TRDMT1: variants seen among roughly 807,000 people sequenced by gnomAD.
The protein encoded by TRDMT1 is tRNA aspartic acid methyltransferase 1.
A neutral mutation model predicts 51.2 loss-of-function variants in TRDMT1; 49 were observed. The observed-to-expected ratio is 0.96, with a 90% CI of 0.76 to 1.21. The LOEUF is 1.21. Among genes scored for constraint, TRDMT1 ranks in the 50% most tolerant of loss-of-function variants. TRDMT1 has a pLI of 0.00. For missense variants in TRDMT1, 534 were observed against 462.3 expected (o/e 1.16, Z -1.42); for synonymous variants, 187 against 164.6 (o/e 1.14, Z -1.04).
rs1491026730 is a variant in TRDMT1, at chr10:17,141,513, AAT to A, written c.*7525_*7526del. Among the ~76,000 whole-genome samples the A allele has an allele frequency of 1.1e-5, 1 of 90,054 alleles. No homozygotes were observed. The highest frequency in any genetic ancestry group is 3.2e-5 in the Non-Finnish European group (1 of 31,392). 59.1% of individuals were successfully genotyped at this position (90,054 alleles called of 152,430 possible). On this transcript the variant is annotated 3_prime_UTR_variant, in exon 11 of 11. Coordinates refer to ENST00000377799, the MANE Select transcript of TRDMT1 (RefSeq NM_004412.7). ...TTGGGATGTTTCCAGCCATTATTTA[AAT>A]GCTCTTTCAGCTCCATTTTTTTCCC...
At chr10:17,200,826 A>T (rs993446117) in intron 1 of TRDMT1, among the ~76,000 whole-genome samples, 1 of 152,200 alleles carries the variant, frequency 6.6e-6, no homozygotes, top group Non-Finnish European at 1.5e-5. Flanking sequence ...AGTAATAGTG[A>T]TAATAATGTA....
chr10:17,173,231 A>G (rs1391549671), intron 2 of TRDMT1, among the ~76,000 whole-genome samples: 1 of 152,188 alleles, frequency 6.6e-6, no homozygotes, highest in Non-Finnish European at 1.5e-5. Flanking sequence ...AGATTTGTAC[A>G]TATATGTTCA....
In TRDMT1 at chr10:17,145,176, G is replaced by C. The variant is rs1837992469; in HGVS notation, c.*3864C>G. On this transcript the variant is annotated 3_prime_UTR_variant, in exon 11 of 11. Coordinates refer to ENST00000377799, the MANE Select transcript of TRDMT1 (RefSeq NM_004412.7). ...GCAGGAAAATCACTTTAACCCAGGA[G>C]GGGGAGATTGCAGTGAGCCGAGATC... The C allele has an allele frequency of 1.4e-6, 1 of 702,920 alleles. No individual in the cohort carries two copies. The highest frequency in any genetic ancestry group is 1.7e-6 in the Non-Finnish European group (1 of 572,098). 43.5% of individuals were successfully genotyped at this position (702,920 alleles called of 1,614,324 possible). A position where few individuals can be genotyped will look rare whatever the true frequency, so the allele number is the denominator to read the frequency against.
rs763307909 is a variant in TRDMT1 at position 17,141,302 on chromosome 10, C to T, written c.*7738G>A. The stretch of plus-strand genomic sequence containing the variant: ...TCAGCCTCCCGAGTAGCTGGGACTA[C>T]AGGCATGCACCACCATGCCCGGCTA... On this transcript the variant is annotated 3_prime_UTR_variant, in exon 11 of 11. Transcript: ENST00000377799. 8.5e-5 allele frequency among the ~76,000 whole-genome samples: 13 copies of T among 152,156 alleles called. No homozygotes were observed. Among genetic ancestry groups the T allele is most frequent in the South Asian group, 6.2e-4 (3 of 4,812 alleles).
Position 17,174,794 on chromosome 10 carries a change from A to G in TRDMT1, c.65-134T>C, listed in dbSNP as rs1842437972. 9.2e-5 allele frequency: 64 copies of G among 698,806 alleles called. 1 individual carries two copies. In the South Asian group the frequency reaches 9.5e-4, roughly 10 times the overall value. The allele number at this position is 698,806 out of a possible 1,614,324, so 43.3% of individuals were successfully genotyped here. A position where few individuals can be genotyped will look rare whatever the true frequency, so the allele number is the denominator to read the frequency against. ...AGCCTCATCTCAGACTGTCAGTGGA[A>G]GGTCAGGCCAGGGGAAGCCAGGCAT... On this transcript the variant is annotated intron_variant, in intron 1 of 10. Transcript: ENST00000377799.
Position 17,162,201 on chromosome 10 carries a change from C to G in TRDMT1, c.288G>C (p.Thr96=), listed in dbSNP as rs138454921. ...TATCTAGAATATGTAAGAAGCTATT[C>G]GTCCTTGAATCAGTCATATCACCCT... ...GRQGDMTDSR[T]NSFLHILDIL... The change falls in exon 4 of 11, where the codon ACG becomes ACC. Residue 96 remains threonine (T), a synonymous_variant. Transcript: ENST00000377799. 6.2e-7 allele frequency: 1 copy of G among 1,606,258 alleles called. No homozygotes were observed. The highest frequency in any genetic ancestry group is 8.5e-7 in the Non-Finnish European group (1 of 1,177,180).
chr10:17,190,813 C>T (rs748866229), intron 1 of TRDMT1, among the ~76,000 whole-genome samples: 5 of 152,152 alleles, frequency 3.3e-5, no homozygotes, highest in Non-Finnish European at 7.3e-5. Context: ...AGGATTATTC[C>T]AGACAAAGCC....
chr10:17,194,079 G>A (rs1030313382), intron 1 of TRDMT1, among the ~76,000 whole-genome samples: 14 of 152,098 alleles, frequency 9.2e-5, no homozygotes, highest in Non-Finnish European at 1.5e-5. Context: ...TTTAATAAAC[G>A]GTGCTAGGAT....
rs1374707968 is a variant in TRDMT1 at position 17,140,178 on chromosome 10, A to G, written c.*8862T>C. Among the ~76,000 whole-genome samples, 2 of 148,720 alleles carry G rather than the reference A, an allele frequency of 1.3e-5. No homozygotes were observed. The highest frequency in any genetic ancestry group is 3.0e-5 in the Non-Finnish European group (2 of 67,508). On this transcript the variant is annotated 3_prime_UTR_variant, in exon 11 of 11. Transcript: ENST00000377799. ...AGTCTCCTGCCTCAGCCTCCTGAATAGCTGAGATTACAGGCACATGCCACC... is the reference window on the plus strand; with the variant it reads ...AGTCTCCTGCCTCAGCCTCCTGAATGGCTGAGATTACAGGCACATGCCACC...
At chr10:17,156,391 T>C (rs1839515334) in intron 8 of TRDMT1, among the ~76,000 whole-genome samples, 1 of 152,004 alleles carries the variant, frequency 6.6e-6, no homozygotes, top group Non-Finnish European at 1.5e-5. Context: ...CCCACCACCA[T>C]GCCTGGTCAA....
At position 17,144,708 on chromosome 10, in the gene TRDMT1, T is replaced by C. The variant is rs191195155; in HGVS notation, c.*4332A>G. On this transcript the variant is annotated 3_prime_UTR_variant, in exon 11 of 11. Coordinates refer to ENST00000377799, the MANE Select transcript of TRDMT1 (RefSeq NM_004412.7). ...GACATGAATGGTGATGGAGTTTGGATCTTGATTGTGTAAGATTTTGAAGAG... is the reference window on the plus strand; with the variant it reads ...GACATGAATGGTGATGGAGTTTGGACCTTGATTGTGTAAGATTTTGAAGAG... 2 of 985,412 alleles carry C rather than the reference T, an allele frequency of 2.0e-6. No homozygotes were observed. Among genetic ancestry groups the C allele is most frequent in the African/African-American group, 1.7e-5 (1 of 57,348 alleles). The allele number at this position is 985,412 out of a possible 1,614,324, so 61.0% of individuals were successfully genotyped here.
intron 1 of TRDMT1, among the ~76,000 whole-genome samples, chr10:17,184,560 GCTT>G (rs1322893133): frequency 6.6e-5 from 10 of 151,962 alleles, no homozygotes; most frequent in African/African-American, 1.7e-4. Flanking sequence ...CTCCTTGAAA[GCTT>G]CTAATTTTCA....
rs747137251 is a variant in TRDMT1, at chr10:17,160,382, GA to G, written c.390-9del. The G allele has an allele frequency of 8.4e-3, 10,142 of 1,206,890 alleles. No homozygotes were observed. The highest frequency in any genetic ancestry group is 0.012 in the South Asian group (719 of 57,812). The allele number at this position is 1,206,890 out of a possible 1,614,324, so 74.8% of individuals were successfully genotyped here. ...GTTTGTATCAAGAGGTCTCTAAAAA[GA>G]AAAAAAAAAAACTTTAATTCTTACT... On this transcript the variant is annotated splice_polypyrimidine_tract_variant and intron_variant, in intron 5 of 10. Transcript: ENST00000377799.
At position 17,141,587 on chromosome 10, in the gene TRDMT1, T is replaced by C. The variant is rs1212620184; in HGVS notation, c.*7453A>G. 6.6e-6 allele frequency among the ~76,000 whole-genome samples: 1 copy of C among 152,218 alleles called. No individual in the cohort carries two copies. The highest frequency in any genetic ancestry group is 1.5e-5 in the Non-Finnish European group (1 of 68,044). ...CATATAAATGTTGGTTCTTCTGTTA[T>C]TGTCCCACAGGTCCCCAAGGCTCTG... On this transcript the variant is annotated 3_prime_UTR_variant, in exon 11 of 11. Transcript: ENST00000377799.
At chr10:17,176,492 C>G (rs1342284084) in intron 1 of TRDMT1, among the ~76,000 whole-genome samples, 1 of 152,116 alleles carries the variant, frequency 6.6e-6, no homozygotes, top group Non-Finnish European at 1.5e-5. Context: ...AACTGATGAA[C>G]TGAAATTTCT....
intron 1 of TRDMT1, among the ~76,000 whole-genome samples, chr10:17,191,472 G>A (rs576641134): frequency 3.0e-4 from 45 of 152,270 alleles, no homozygotes; most frequent in African/African-American, 1.1e-3. Flanking sequence ...ACTCCGAAGC[G>A]GCAAGAGTTA....
chr10:17,153,511 C>T lies in TRDMT1; in HGVS notation c.1071G>A (p.Glu357=). ...EIANLLGFPP[E]FGFPEKITVK... ...TTCTGCACGTATCCCACATACCGAA[C>T]TCTGGAGGAAATCCAAGGAGATTTG... The change falls in exon 10 of 11, where the codon GAG becomes GAA. Residue 357 remains glutamate, a synonymous_variant. Coordinates refer to ENST00000377799, the MANE Select transcript of TRDMT1 (RefSeq NM_004412.7). 1.2e-6 allele frequency: 2 copies of T among 1,613,986 alleles called. No individual in the cohort carries two copies. The highest frequency in any genetic ancestry group is 1.7e-6 in the Non-Finnish European group (2 of 1,179,936).
rs1001807727 is a variant in TRDMT1 at position 17,159,147 on chromosome 10, T to C, written c.542A>G (p.Gln181Arg). 4 of 1,575,214 alleles carry C rather than the reference T, an allele frequency of 2.5e-6. No homozygotes were observed. In the Admixed American group the frequency reaches 7.5e-5, roughly 30 times the overall value. ...SEPLPFQAPG[Q>R]VLMEFPKIES... ...ATAATAAAATTCCAATAATAATACCTGACCAGGGGCTTGAAAGGGTAATGG... is the reference window on the plus strand; with the variant it reads ...ATAATAAAATTCCAATAATAATACCCGACCAGGGGCTTGAAAGGGTAATGG... The change falls in exon 7 of 11, where the codon CAG becomes CGG. Residue 181 changes from glutamine (Q) to arginine (R), a missense_variant and splice_region_variant. By Grantham distance (43) the Gln-to-Arg change is conservative (BLOSUM62 1). Coordinates refer to ENST00000377799, the MANE Select transcript of TRDMT1 (RefSeq NM_004412.7).
chr10:17,192,069 G>A (rs976639831), intron 1 of TRDMT1, among the ~76,000 whole-genome samples: 4 of 152,148 alleles, frequency 2.6e-5, no homozygotes, highest in Non-Finnish European at 4.4e-5. Context: ...AAGCAAATCC[G>A]GGCAGCGCAA....
Sources: gnomAD v4.1 joint callset for allele counts (sites outside exome capture counted in the v4.1 genomes callset) on GRCh38, gnomAD v4.1.1 for gene constraint, MANE v1.5 for transcripts, NCBI Gene and HGNC (gene_info 2026-07-23, HGNC 2026-07-21) for gene names.